Variants in AUTS2 observed in about 807,000 individuals in gnomAD.
The protein encoded by AUTS2 is activator of transcription and developmental regulator AUTS2, also known as autism susceptibility gene 2 protein.
AUTS2 carries 17 observed loss-of-function variants against 112.4 expected under a neutral mutation model. The observed-to-expected ratio is 0.15, with a 90% CI of 0.10 to 0.23. The LOEUF (loss-of-function observed/expected upper bound fraction) is 0.23, where lower values mean the gene tolerates loss of function less well. Among genes scored for constraint, AUTS2 ranks in the 10% least tolerant of loss-of-function variants. The probability of loss-of-function intolerance (pLI) is 1.00; values close to 1 mark genes in which losing one functional copy is unlikely to be tolerated. For synonymous variants in AUTS2, 751 were observed against 702.7 expected (o/e 1.07, Z -1.09); for missense variants, 1,510 against 1,701.6 (o/e 0.89, Z 1.98).
At chr7:69,814,196 T>G (rs1296527538) in intron 1 of AUTS2, among the ~76,000 whole-genome samples, 2 of 152,238 alleles carry the variant, frequency 1.3e-5, no homozygotes, top group African/African-American at 2.4e-5. Context: ...CCACACATTT[T>G]AAGCTGCACT....
chr7:70,530,916 C>A (rs1194800770), intron 5 of AUTS2, among the ~76,000 whole-genome samples: 2 of 152,172 alleles, frequency 1.3e-5, no homozygotes, highest in Non-Finnish European at 2.9e-5. Flanking sequence ...GGAAGCATTA[C>A]TTGAGGGCAT....
At chr7:69,678,757 G>A (rs1484058521) in intron 1 of AUTS2, among the ~76,000 whole-genome samples, 2 of 152,238 alleles carry the variant, frequency 1.3e-5, no homozygotes, top group East Asian at 1.9e-4. Flanking sequence ...CACGGCGTGA[G>A]CCATTCATGG....
intron 1 of AUTS2, among the ~76,000 whole-genome samples, chr7:69,820,644 G>A (rs1790949080): frequency 6.6e-6 from 1 of 152,214 alleles, no homozygotes; most frequent in Non-Finnish European, 1.5e-5. Flanking sequence ...AATCATGTGG[G>A]AAAGGGGTCA....
chr7:70,105,696 C>T (rs1290922281), intron 2 of AUTS2, among the ~76,000 whole-genome samples: 1 of 152,144 alleles, frequency 6.6e-6, no homozygotes, highest in Non-Finnish European at 1.5e-5. Context: ...CATTTACTGG[C>T]CTCTCCCCTG....
intron 6 of AUTS2, among the ~76,000 whole-genome samples, chr7:70,750,330 C>CTT (rs201667797): frequency 0.15 from 21,969 of 143,202 alleles, 2,082 homozygotes; most frequent in African/African-American, 0.25. Context: ...GATGGAAAGT[C>CTT]TTTTTTTTTT....
rs576276750 is a variant in AUTS2, at chr7:70,344,539, G to T, written c.661-91213G>T. On this transcript the variant is annotated intron_variant, in intron 4 of 18. Transcript: ENST00000342771. ...TTTTTAAAATGTCCAACTCTAGATAGATCTGCTTTACTGAGTGGTCTTAAC... is the reference window on the plus strand; with the variant it reads ...TTTTTAAAATGTCCAACTCTAGATATATCTGCTTTACTGAGTGGTCTTAAC... Among the ~76,000 whole-genome samples the T allele has an allele frequency of 1.5e-3, 225 of 152,300 alleles. 3 individuals carry two copies. The highest frequency in any genetic ancestry group is 5.2e-3 in the African/African-American group (215 of 41,562).
intron 2 of AUTS2, among the ~76,000 whole-genome samples, chr7:69,907,747 A>C (rs948866226): frequency 6.6e-6 from 1 of 152,202 alleles, no homozygotes; most frequent in African/African-American, 2.4e-5. Context: ...AAACATTTTC[A>C]TATGATACAA....
intron 5 of AUTS2, among the ~76,000 whole-genome samples, chr7:70,512,792 T>G (rs886076606): frequency 2.0e-5 from 3 of 152,026 alleles, no homozygotes; most frequent in Non-Finnish European, 4.4e-5. Flanking sequence ...AGAGGAAATT[T>G]TTTTTTAACT....
chr7:70,348,103 C>T (rs1274559722), intron 4 of AUTS2, among the ~76,000 whole-genome samples: 1 of 152,184 alleles, frequency 6.6e-6, no homozygotes, highest in Non-Finnish European at 1.5e-5. Flanking sequence ...GATTCACTCA[C>T]TCTTCTTTAC....
chr7:70,032,423 C>T (rs1220559275), intron 2 of AUTS2, among the ~76,000 whole-genome samples: 1 of 152,102 alleles, frequency 6.6e-6, no homozygotes, highest in Non-Finnish European at 1.5e-5. Context: ...AAAACCTTCT[C>T]ATAAAAACTG....
chr7:70,546,934 T>C (rs78607646), intron 5 of AUTS2, among the ~76,000 whole-genome samples: 2,147 of 152,330 alleles, frequency 0.014, 48 homozygotes, highest in African/African-American at 0.049. Flanking sequence ...TTTGTTGTTT[T>C]GTGTGTTTGA....
At chr7:70,726,721 C>T (rs1787055604) in intron 6 of AUTS2, among the ~76,000 whole-genome samples, 1 of 152,192 alleles carries the variant, frequency 6.6e-6, no homozygotes, top group African/African-American at 2.4e-5. Context: ...CCCTTTAATG[C>T]TCCAGTTTAG....
chr7:70,577,820 T>A (rs1040313295), intron 5 of AUTS2, among the ~76,000 whole-genome samples: 9 of 149,566 alleles, frequency 6.0e-5, no homozygotes, highest in African/African-American at 2.3e-4. Flanking sequence ...TTTTTTTTAA[T>A]TTTTTTCTTT....
intron 1 of AUTS2, among the ~76,000 whole-genome samples, chr7:69,627,867 T>C (rs1244784613): frequency 6.6e-6 from 1 of 152,198 alleles, no homozygotes; most frequent in Non-Finnish European, 1.5e-5. Context: ...AAATGAGTTA[T>C]TATATGTGAA....
chr7:69,689,169 G>T (rs905530375), intron 1 of AUTS2, among the ~76,000 whole-genome samples: 2 of 151,920 alleles, frequency 1.3e-5, no homozygotes, highest in Non-Finnish European at 2.9e-5. Context: ...GTAGAATATG[G>T]ATCCCTGCCT....
chr7:69,797,461 GT>G (rs1789896102), intron 1 of AUTS2, among the ~76,000 whole-genome samples: 1 of 152,174 alleles, frequency 6.6e-6, no homozygotes, highest in South Asian at 2.1e-4. Context: ...TCACAGGTAC[GT>G]GAAGCTCTTA....
intron 4 of AUTS2, among the ~76,000 whole-genome samples, chr7:70,385,197 G>C (rs937855363): frequency 2.0e-5 from 3 of 152,188 alleles, no homozygotes; most frequent in African/African-American, 7.2e-5. Flanking sequence ...CCACTAAACT[G>C]TTCTCCCTAA....
At chr7:70,222,032 A>T (rs1811513914) in intron 4 of AUTS2, among the ~76,000 whole-genome samples, 1 of 152,266 alleles carries the variant, frequency 6.6e-6, no homozygotes, top group East Asian at 1.9e-4. Context: ...TAAGGAAAAC[A>T]TAAAATACAA....
intron 6 of AUTS2, among the ~76,000 whole-genome samples, chr7:70,741,964 C>T (rs1309127130): frequency 1.3e-5 from 2 of 152,162 alleles, no homozygotes; most frequent in East Asian, 1.9e-4. Context: ...CTCCAGAATG[C>T]GGCTCAGTTT....
Sources: allele counts gnomAD v4.1 joint callset (sites outside exome capture counted in the v4.1 genomes callset), GRCh38; gene constraint gnomAD v4.1.1; transcripts MANE v1.5; gene names NCBI Gene and HGNC (gene_info 2026-07-23, HGNC 2026-07-21).